ZNF534: variants seen among roughly 807,000 people sequenced by gnomAD.
The protein encoded by ZNF534 is KRAB domain only 3.
A neutral mutation model predicts 13.6 loss-of-function variants in ZNF534; 19 were observed. The observed-to-expected ratio is 1.40, with a 90% CI of 0.97 to 2.05. The LOEUF (loss-of-function observed/expected upper bound fraction) is 2.05, where lower values mean the gene tolerates loss of function less well. ZNF534 is among the 30% of genes most tolerant of loss of function. ZNF534 has a pLI of 0.00. For missense variants in ZNF534, 782 were observed against 796.3 expected (o/e 0.98, Z 0.22); for synonymous variants, 244 against 273.8 (o/e 0.89, Z 1.07).
chr19:52,432,352 C>G (rs1401114586), intron 2 of ZNF534, among the ~76,000 whole-genome samples: 3 of 152,128 alleles, frequency 2.0e-5, no homozygotes, highest in Non-Finnish European at 4.4e-5. Context: ...ACTTAACTGT[C>G]TGATTCTTTA....
chr19:52,447,081 C>A (rs2122724767), downstream of ZNF534, among the ~76,000 whole-genome samples: 1 of 152,256 alleles, frequency 6.6e-6, no homozygotes, highest in East Asian at 1.9e-4. Context: ...ATGTTTTCAC[C>A]ATATCACCAA....
rs758204259 is a variant in ZNF534 at position 52,439,272 on chromosome 19, G to A, written c.1812G>A (p.Lys604=). ...ATAGGAAAATTCATACTGGAGAGAA[G>A]CTTTACAAATGTAATGAATGTAGCA... ...ARHRKIHTGE[K]LYKCNECSKV... is the part of the protein sequence containing the mutation. The change falls in exon 5 of 5, where the codon AAG becomes AAA. Residue 604 remains lysine, a synonymous_variant. Coordinates refer to ENST00000433050, the MANE Select transcript of ZNF534 (RefSeq NM_001143938.3). The A allele has an allele frequency of 1.3e-6, 2 of 1,567,610 alleles. No individual in the cohort carries two copies. The highest frequency in any genetic ancestry group is 1.7e-6 in the Non-Finnish European group (2 of 1,155,862).
exon 5 of ZNF534, chr19:52,451,786 T>G: frequency 1.4e-6 from 1 of 705,552 alleles, no homozygotes; most frequent in Non-Finnish European, 2.6e-6. Flanking sequence ...TGTTGTACTC[T>G]TTAATTTTTG....
At chr19:52,430,219 T>C (rs539874817) in intron 1 of ZNF534, among the ~76,000 whole-genome samples, 2 of 152,136 alleles carry the variant, frequency 1.3e-5, no homozygotes, top group South Asian at 2.1e-4. Flanking sequence ...TTTGACCATG[T>C]TGGCCAGGCT....
At chr19:52,435,536 T>C (rs1349955058) in intron 4 of ZNF534, among the ~76,000 whole-genome samples, 1 of 151,974 alleles carries the variant, frequency 6.6e-6, no homozygotes, top group Admixed American at 6.6e-5. Flanking sequence ...AGCGTCTCTC[T>C]CCTGTCACCC....
chr19:52,429,707 C>T (rs1303713923), intron 1 of ZNF534, among the ~76,000 whole-genome samples: 2 of 151,744 alleles, frequency 1.3e-5, no homozygotes, highest in African/African-American at 4.8e-5. Context: ...GCGATTCTCC[C>T]GCCTGGGCCT....
At position 52,440,085 on chromosome 19, in the gene ZNF534, A is replaced by C. The variant is rs1478199513; in HGVS notation, c.*639A>C. Among the ~76,000 whole-genome samples, 1 of 152,086 alleles carries C rather than the reference A, an allele frequency of 6.6e-6. No individual in the cohort carries two copies. Among genetic ancestry groups the C allele is most frequent in the Non-Finnish European group, 1.5e-5 (1 of 68,028 alleles). Reference sequence around the variant, plus strand: ...CTCTTTCTTTAAAAACAAAACAAAAAAAGTTATGAAGCCTCACAAAAGTAA... The same window carrying C: ...CTCTTTCTTTAAAAACAAAACAAAACAAGTTATGAAGCCTCACAAAAGTAA... On this transcript the variant is annotated 3_prime_UTR_variant, in exon 5 of 5. Transcript: ENST00000433050.
chr19:52,446,213 C>T (rs1385910786), downstream of ZNF534, among the ~76,000 whole-genome samples: 1 of 152,106 alleles, frequency 6.6e-6, no homozygotes, highest in African/African-American at 2.4e-5. Context: ...AAGTCATCCC[C>T]CACCACATGC....
Position 52,437,969 on chromosome 19 carries a change from C to G in ZNF534, c.509C>G (p.Ser170Cys). 6.2e-7 allele frequency: 1 copy of G among 1,613,164 alleles called. No individual in the cohort carries two copies. The highest frequency in any genetic ancestry group is 8.5e-7 in the Non-Finnish European group (1 of 1,179,790). The change falls in exon 5 of 5, where the codon TCT (serine) becomes TGT (cysteine). Residue 170 changes from serine to cysteine, a missense_variant. This residue lies in a region of ZNF534 where 591 missense variants were observed against 574.0 expected (regional missense o/e 1.03). Coordinates refer to ENST00000433050, the MANE Select transcript of ZNF534 (RefSeq NM_001143938.3). Reference protein sequence around the residue: ...FNNYRNDFLFSTLLPQEQKVH... With the variant: ...FNNYRNDFLFCTLLPQEQKVH... ...AACTACAGAAATGATTTTCTTTTTT[C>G]TACATTACTCCCACAAGAACAGAAA...
chr19:52,436,541 T>A (rs2059130201), intron 4 of ZNF534, among the ~76,000 whole-genome samples: 1 of 152,244 alleles, frequency 6.6e-6, no homozygotes, highest in Non-Finnish European at 1.5e-5. Flanking sequence ...CTTTTCATCC[T>A]TTGTCATCTT....
rs375608215 is a variant in ZNF534, at chr19:52,450,136, A to G, written c.272-1051A>G. On this transcript the variant is annotated intron_variant, in intron 4 of 4. Transcript: ENST00000301085. ...TAATTCTGTCACTTGTCTCTTCACT[A>G]TGTTGACTGTTTCCTGTGCTGTGCA... Among the ~76,000 whole-genome samples, 5 of 152,314 alleles carry G rather than the reference A, an allele frequency of 3.3e-5. No individual in the cohort carries two copies. In the East Asian group the frequency reaches 7.7e-4, roughly 23 times the overall value.
Position 52,435,155 on chromosome 19 carries a change from G to A in ZNF534, c.217G>A (p.Val73Met), listed in dbSNP as rs148898391. The A allele has an allele frequency of 2.5e-4, 401 of 1,613,330 alleles. 4 individuals are homozygous for A. The East Asian group carries it at 8.5e-3, about 34-fold the overall frequency. The stretch of plus-strand genomic sequence containing the variant: ...AGATCCCTGGACTCTGCAGAGTGAA[G>A]TGAAAATAATAAACAATCCAGATGG... ...KRDPWTLQSE[V>M]KIINNPDGRE... Residue 73 changes from valine to methionine, a missense_variant, in exon 4 of 5, where the codon GTG becomes ATG. Coordinates refer to ENST00000433050, the MANE Select transcript of ZNF534 (RefSeq NM_001143938.3).
chr19:52,439,105 C>G lies in ZNF534; in HGVS notation c.1645C>G (p.Pro549Ala), dbSNP rs1403667305. The change falls in exon 5 of 5, where the codon CCT (proline) becomes GCT (alanine). Residue 549 changes from proline to alanine, a missense_variant. Around this residue, in one of 5 missense-constraint regions of ZNF534, gnomAD observed 591 missense variants for 574.0 expected, o/e 1.03. Transcript: ENST00000433050. The stretch of plus-strand genomic sequence containing the variant: ...TAGGAATGTTCATACTGGAGAAAAG[C>G]CTTACAGTTGTAATGAATGTGGCAA... ...RHRNVHTGEK[P>A]YSCNECGKVF... The G allele has an allele frequency of 6.3e-7, 1 of 1,595,284 alleles. No individual in the cohort carries two copies. The highest frequency in any genetic ancestry group is 1.8e-5 in the Admixed American group (1 of 56,702).
In ZNF534 at chr19:52,434,048, A is replaced by G; in HGVS notation, c.109A>G (p.Met37Val). 6.2e-7 allele frequency: 1 copy of G among 1,614,194 alleles called. No homozygotes were observed. The highest frequency in any genetic ancestry group is 1.1e-5 in the South Asian group (1 of 91,078). The part of the protein sequence containing the change: ...PGQKALYRDV[M>V]LENYRNLVSL... Reference sequence around the variant, plus strand: ...GCAGAAAGCTTTATACAGGGACGTGATGTTAGAGAACTACAGGAACCTGGT... The same window carrying G: ...GCAGAAAGCTTTATACAGGGACGTGGTGTTAGAGAACTACAGGAACCTGGT... The change falls in exon 3 of 5, where the codon ATG becomes GTG. Residue 37 changes from methionine (M) to valine (V), a missense_variant. Around this residue, in one of 5 missense-constraint regions of ZNF534, gnomAD observed 81 missense variants for 63.5 expected, o/e 1.28. Coordinates refer to ENST00000433050, the MANE Select transcript of ZNF534 (RefSeq NM_001143938.3).
At chr19:52,449,354 T>TTCTCTCTCTCTC (rs112933256) in intron 4 of ZNF534, among the ~76,000 whole-genome samples, 3 of 146,514 alleles carry the variant, frequency 2.0e-5, no homozygotes, top group African/African-American at 7.5e-5. Context: ...TCCATCCTCA[T>TTCTCTCTCTCTC]TCTCTCTCTC....
chr19:52,449,596 T>A (rs1490548232), intron 4 of ZNF534, among the ~76,000 whole-genome samples: 1 of 152,240 alleles, frequency 6.6e-6, no homozygotes, highest in East Asian at 1.9e-4. Context: ...TATATCTCAC[T>A]GTGGTTTTGA....
chr19:52,429,572 C>G (rs926217221), intron 1 of ZNF534, among the ~76,000 whole-genome samples: 2 of 150,736 alleles, frequency 1.3e-5, no homozygotes, highest in Non-Finnish European at 2.9e-5. Context: ...ACTGTATCTG[C>G]TCGTTAGTCA....
At chr19:52,450,036 A>C (rs1483791270) in intron 4 of ZNF534, among the ~76,000 whole-genome samples, 2 of 152,122 alleles carry the variant, frequency 1.3e-5, no homozygotes, top group Non-Finnish European at 2.9e-5. Flanking sequence ...AAAAATTGCT[A>C]TCGTGATGTT....
chr19:52,439,479 C>T lies in ZNF534; in HGVS notation c.*33C>T. ...GTGAAGCTGGCAGGGCGCAGTGGCT[C>T]ACGTCTGTAATCCCAGCACTTTGGG... is the stretch of plus-strand genomic sequence containing the variant. On this transcript the variant is annotated 3_prime_UTR_variant, in exon 5 of 5. Transcript: ENST00000433050. The T allele has an allele frequency of 2.0e-6, 3 of 1,489,020 alleles. No individual in the cohort carries two copies. The highest frequency in any genetic ancestry group is 2.7e-6 in the Non-Finnish European group (3 of 1,118,496). The allele number at this position is 1,489,020 out of a possible 1,614,324, so 92.2% of individuals were successfully genotyped here.
Sources: allele counts gnomAD v4.1 joint callset (sites outside exome capture counted in the v4.1 genomes callset), GRCh38; gene constraint gnomAD v4.1.1; regional missense constraint gnomAD v4.1.1; transcripts MANE v1.5; gene names NCBI Gene and HGNC (gene_info 2026-07-23, HGNC 2026-07-21).